Variants in ASH2L observed in about 807,000 individuals in gnomAD.
ASH2L encodes ASH2 like, histone lysine methyltransferase complex subunit.
A neutral mutation model predicts 81.1 loss-of-function variants in ASH2L; 30 were observed. The observed-to-expected ratio is 0.37, with a 90% CI of 0.28 to 0.50. ASH2L has a LOEUF of 0.50. Among genes scored for constraint, ASH2L ranks in the 20% least tolerant of loss-of-function variants. The probability of loss-of-function intolerance (pLI) is 0.95; values close to 1 mark genes in which losing one functional copy is unlikely to be tolerated. For missense variants in ASH2L, 559 were observed against 792.1 expected (o/e 0.71, Z 3.53); for synonymous variants, 273 against 279.9 (o/e 0.98, Z 0.24).
intron 7 of ASH2L, among the ~76,000 whole-genome samples, chr8:38,116,048 G>A (rs1009388922): frequency 5.3e-5 from 8 of 151,790 alleles, no homozygotes; most frequent in African/African-American, 1.5e-4. Context: ...CCAACACAGC[G>A]AAACTCTATC....
intron 14 of ASH2L, among the ~76,000 whole-genome samples, chr8:38,136,817 C>T (rs1009053468): frequency 1.4e-5 from 2 of 146,982 alleles, no homozygotes; most frequent in African/African-American, 5.1e-5. Flanking sequence ...TTAGGCCAGT[C>T]GCGGTGGCTC....
chr8:38,117,047 T>C (rs1340214383), intron 8 of ASH2L, among the ~76,000 whole-genome samples: 1 of 152,202 alleles, frequency 6.6e-6, no homozygotes, highest in African/African-American at 2.4e-5. Context: ...TCCTCTCCAC[T>C]CTTTTTCTGC....
intron 8 of ASH2L, 200 bp from the exon 9 acceptor site, chr8:38,119,070 C>T (rs1811027063): frequency 4.0e-6 from 2 of 495,950 alleles, no homozygotes; most frequent in Non-Finnish European, 7.2e-6. Flanking sequence ...GAGTTTATTG[C>T]CAGAACCCAG....
Position 38,128,670 on chromosome 8 carries a change from CAT to C in ASH2L, c.1334-86_1334-85del. ...CAATTTTACAAAATTGACCAAAAAACATAAAAAGAAATAGGATCTTTTTCCTT... is the reference window on the plus strand; with the variant it reads ...CAATTTTACAAAATTGACCAAAAAACAAAAAGAAATAGGATCTTTTTCCTT... On this transcript the variant is annotated intron_variant, in intron 11 of 15. Transcript: ENST00000343823. The C allele has an allele frequency of 3.9e-6, 6 of 1,543,662 alleles. No individual in the cohort carries two copies. In the South Asian group the frequency reaches 6.1e-5, roughly 16 times the overall value.
At chr8:38,135,568 G>A (rs1802217997) in intron 13 of ASH2L, 100 bp from the exon 14 acceptor site, 2 of 759,914 alleles carry the variant, frequency 2.6e-6, no homozygotes, top group South Asian at 3.6e-5. Flanking sequence ...TGAGTGACTA[G>A]CAGTCTGGCA....
chr8:38,106,244 A>C, intron 1 of ASH2L, 134 bp from the exon 2 acceptor site: 2 of 1,366,594 alleles, frequency 1.5e-6, no homozygotes, highest in Non-Finnish European at 2.1e-6. Flanking sequence ...TTGGGCATCC[A>C]GTCTGAGATC....
At chr8:38,133,347 C>G (rs1802134374) in intron 12 of ASH2L, 107 bp from the exon 13 acceptor site, 2 of 728,092 alleles carry the variant, frequency 2.7e-6, no homozygotes, top group Non-Finnish European at 4.6e-6. Context: ...TTTTTAATAT[C>G]TGTTGTAGAG....
At chr8:38,116,561 C>A in intron 7 of ASH2L, 89 bp from the exon 8 acceptor site, 2 of 1,023,212 alleles carry the variant, frequency 2.0e-6, no homozygotes, top group Non-Finnish European at 3.0e-6. Flanking sequence ...AATTTTAGTT[C>A]CCATTCTGTT....
At chr8:38,112,300 C>CTTTATTTATTTATTTA (rs147185198) in intron 5 of ASH2L, among the ~76,000 whole-genome samples, 50 of 151,236 alleles carry the variant, frequency 3.3e-4, no homozygotes, top group African/African-American at 1.0e-3. Flanking sequence ...CACCCAGCCC[C>CTTTATTTATTTATTTA]TTTATTTATT....
At chr8:38,115,135 A>G (rs1484726617) in intron 7 of ASH2L, 135 bp downstream of exon 7, 1 of 625,820 alleles carries the variant, frequency 1.6e-6, no homozygotes, top group African/African-American at 1.8e-5. Context: ...GACTCCAAAA[A>G]AATAGTGACT....
chr8:38,124,999 CT>C (rs1801775474), intron 10 of ASH2L, among the ~76,000 whole-genome samples: 1 of 152,142 alleles, frequency 6.6e-6, no homozygotes, highest in African/African-American at 2.4e-5. Flanking sequence ...GTGCCAGGCT[CT>C]TTTTAACAAC....
chr8:38,123,455 T>G (rs184665570), intron 10 of ASH2L: 7 of 152,254 alleles, frequency 4.6e-5, no homozygotes, highest in African/African-American at 1.7e-4. Context: ...TAGCTCTTTT[T>G]GTCTTTAGAC....
intron 5 of ASH2L, among the ~76,000 whole-genome samples, chr8:38,112,288 C>T (rs1027306092): frequency 6.6e-6 from 1 of 151,766 alleles, no homozygotes; most frequent in Non-Finnish European, 1.5e-5. Context: ...CATAAACCAA[C>T]ACACCCAGCC....
chr8:38,125,731 T>C (rs1314334772), intron 10 of ASH2L, among the ~76,000 whole-genome samples: 1 of 152,198 alleles, frequency 6.6e-6, no homozygotes, highest in East Asian at 1.9e-4. Flanking sequence ...TCCTGAGATA[T>C]TTATTAATTA....
chr8:38,131,967 G>A (rs1403978013), intron 12 of ASH2L, among the ~76,000 whole-genome samples: 1 of 152,010 alleles, frequency 6.6e-6, no homozygotes, highest in Non-Finnish European at 1.5e-5. Flanking sequence ...TCCTGCTTCA[G>A]CCTCCTGAGC....
chr8:38,113,231 A>G (rs911737736), intron 5 of ASH2L, among the ~76,000 whole-genome samples: 1 of 151,900 alleles, frequency 6.6e-6, no homozygotes, highest in African/African-American at 2.4e-5. Context: ...CAGCCTCCCA[A>G]AGTGCTGGGA....
chr8:38,137,232 C>A (rs1219202746), intron 14 of ASH2L, among the ~76,000 whole-genome samples: 1 of 151,778 alleles, frequency 6.6e-6, no homozygotes, highest in African/African-American at 2.4e-5. Flanking sequence ...GAAACCCCAT[C>A]TCTACTAAAA....
chr8:38,136,231 A>G (rs958206189), intron 14 of ASH2L, among the ~76,000 whole-genome samples: 13 of 148,498 alleles, frequency 8.8e-5, no homozygotes, highest in African/African-American at 3.2e-4. Context: ...GGGTGTGCTA[A>G]TTTTTTGGTT....
chr8:38,134,859 G>A (rs1308633263), intron 13 of ASH2L, among the ~76,000 whole-genome samples: 1 of 152,152 alleles, frequency 6.6e-6, no homozygotes, highest in Non-Finnish European at 1.5e-5. Flanking sequence ...AATTGAAGTG[G>A]TCAAGAGAGG....
Sources: gnomAD v4.1 joint callset for allele counts (sites outside exome capture counted in the v4.1 genomes callset) on GRCh38, gnomAD v4.1.1 for gene constraint, MANE v1.5 for transcripts, NCBI Gene and HGNC (gene_info 2026-07-23, HGNC 2026-07-21) for gene names.